Variants in EVL observed in about 807,000 individuals in gnomAD.
The protein encoded by EVL is Enah/Vasp-like.
Under a neutral mutation model 59.6 loss-of-function variants are expected in EVL, and 21 were observed. The observed-to-expected ratio is 0.35, with a 90% CI of 0.25 to 0.51. The LOEUF is 0.51. Ranked by LOEUF, EVL falls within the 20% of genes least tolerant of loss-of-function variation. EVL has a pLI of 0.97. For missense variants in EVL, 462 were observed against 546.6 expected (o/e 0.85, Z 1.54); for synonymous variants, 198 against 203.5 (o/e 0.97, Z 0.23).
intron 3 of EVL, among the ~76,000 whole-genome samples, chr14:100,113,175 G>T (rs753289555): frequency 1.2e-4 from 18 of 152,074 alleles, no homozygotes; most frequent in Non-Finnish European, 2.5e-4. Flanking sequence ...AATAGGCAAC[G>T]GCACAGAGGC....
chr14:100,055,385 G>GCA, intron 1 of EVL, among the ~76,000 whole-genome samples: 1 of 152,112 alleles, frequency 6.6e-6, no homozygotes, highest in East Asian at 1.9e-4. Context: ...AAAGTATTCA[G>GCA]TTGGATGCTC....
intron 11 of EVL, chr14:100,138,109 A>G: frequency 2.0e-6 from 1 of 492,976 alleles, no homozygotes; most frequent in Non-Finnish European, 3.6e-6. Context: ...AAGTTAGGGG[A>G]CCTCTCCAAG....
At chr14:100,128,820 TC>T (rs1888253119) in intron 6 of EVL, 72 bp downstream of exon 6, 10 of 1,351,532 alleles carry the variant, frequency 7.4e-6, no homozygotes, top group Admixed American at 1.8e-5. Flanking sequence ...GCGCTTGTGT[TC>T]CTTCCCGCAT....
intron 1 of EVL, among the ~76,000 whole-genome samples, chr14:100,005,633 A>ACACG (rs2060973563): frequency 1.5e-5 from 1 of 66,468 alleles, no homozygotes; most frequent in Non-Finnish European, 3.0e-5. Flanking sequence ...TTTTAAATAC[A>ACACG]CACACACACA....
chr14:100,128,721 TG>T lies in EVL; in HGVS notation c.694del (p.Ala232ProfsTer3). The stretch of plus-strand genomic sequence containing the variant: ...TGTCAGGACTGGCCGCTGCCATAGC[TG>T]GGGCCAAGCTGAGAAGAGTCCAACG... Reference protein sequence around the residue: ...SMSGLAAAIAGAKLRRVQRPE... With the variant: ...SMSGLAAAIAXAKLRRVQRPE... On this transcript the variant is annotated frameshift_variant, in exon 6 of 14. Coordinates refer to ENST00000392920, the MANE Select transcript of EVL (RefSeq NM_016337.3). LOFTEE classifies it high-confidence loss of function. The T allele has an allele frequency of 6.2e-7, 1 of 1,606,582 alleles. No individual in the cohort carries two copies.
intron 1 of EVL, among the ~76,000 whole-genome samples, chr14:100,033,346 A>G (rs1377116612): frequency 2.0e-5 from 3 of 152,196 alleles, no homozygotes; most frequent in East Asian, 1.9e-4. Flanking sequence ...CAGTAATCCT[A>G]TGAACACCAG....
chr14:100,097,655 G>A lies in EVL; in HGVS notation c.355G>A (p.Gly119Arg). Residue 119 changes from glycine to arginine, a missense_variant, in exon 3 of 14, where the codon GGA (glycine) becomes AGA (arginine). Physicochemically the swap from Gly to Arg is moderately radical, Grantham distance 125. Transcript: ENST00000392920. ...FALNIMNSQEGGPSSQRQVQN... is the reference protein window; with the variant it reads ...FALNIMNSQERGPSSQRQVQN... ...CCTGAACATCATGAATTCCCAAGAA[G>A]GAGGTAAGTAGGGCTTTGTCTTGGC... 1 of 1,609,612 alleles carries A rather than the reference G, an allele frequency of 6.2e-7. No individual in the cohort carries two copies. The highest frequency in any genetic ancestry group is 2.2e-5 in the East Asian group (1 of 44,860).
At chr14:100,097,974 A>G (rs1468921406) in intron 3 of EVL, among the ~76,000 whole-genome samples, 1 of 152,228 alleles carries the variant, frequency 6.6e-6, no homozygotes, top group Non-Finnish European at 1.5e-5. Flanking sequence ...TTTGAGAGAG[A>G]TGGGAGAAAA....
chr14:100,096,019 T>A (rs1201317424), intron 2 of EVL, among the ~76,000 whole-genome samples: 1 of 152,214 alleles, frequency 6.6e-6, no homozygotes, highest in Admixed American at 6.5e-5. Flanking sequence ...TGAGCCACCA[T>A]GCCCAGCTTC....
At chr14:100,098,850 G>A (rs556727614) in intron 3 of EVL, among the ~76,000 whole-genome samples, 9 of 152,268 alleles carry the variant, frequency 5.9e-5, no homozygotes, top group African/African-American at 1.7e-4. Flanking sequence ...CTATAAAATC[G>A]GGGGATATAG....
At chr14:100,097,104 G>A (rs1885866731) in intron 2 of EVL, 2 of 173,716 alleles carry the variant, frequency 1.2e-5, no homozygotes, top group Admixed American at 5.6e-5. Context: ...CCATTGGATT[G>A]GTAAAGCCAG....
intron 1 of EVL, among the ~76,000 whole-genome samples, chr14:99,999,328 C>G (rs1178798641): frequency 1.3e-5 from 2 of 152,216 alleles, no homozygotes; most frequent in African/African-American, 4.8e-5. Flanking sequence ...AGCTCTGCCA[C>G]TTTTGAACTA....
At chr14:99,999,809 A>G (rs1295889442) in intron 1 of EVL, among the ~76,000 whole-genome samples, 2 of 152,232 alleles carry the variant, frequency 1.3e-5, no homozygotes, top group African/African-American at 4.8e-5. Context: ...TGAGGCCATC[A>G]GCACAAAAGT....
intron 1 of EVL, among the ~76,000 whole-genome samples, chr14:100,009,553 C>A (rs765028887): frequency 6.6e-6 from 1 of 152,212 alleles, no homozygotes; most frequent in South Asian, 2.1e-4. Context: ...TTTATTCAAT[C>A]ATTCCAGTTC....
At chr14:100,076,638 T>C (rs1167753131) in intron 1 of EVL, among the ~76,000 whole-genome samples, 1 of 152,114 alleles carries the variant, frequency 6.6e-6, no homozygotes, top group Admixed American at 6.5e-5. Flanking sequence ...TATGGATGAG[T>C]ACAAATTAGT....
intron 2 of EVL, among the ~76,000 whole-genome samples, chr14:100,091,223 C>T (rs566351663): frequency 6.8e-4 from 103 of 152,256 alleles, no homozygotes; most frequent in Non-Finnish European, 4.6e-4. Flanking sequence ...GAATCGTCCC[C>T]TGCTTTTCTG....
At chr14:100,073,266 A>G (rs2062087540) in intron 1 of EVL, among the ~76,000 whole-genome samples, 1 of 151,432 alleles carries the variant, frequency 6.6e-6, no homozygotes, top group African/African-American at 2.4e-5. Context: ...CCCTGGGCAG[A>G]ACTAAATGCC....
At chr14:100,135,516 C>T (rs929875194) in intron 8 of EVL, 11 of 197,804 alleles carry the variant, frequency 5.6e-5, no homozygotes, top group East Asian at 2.7e-4. Context: ...ACCTATTACA[C>T]GGGCAGGTGT....
At chr14:100,043,703 C>G (rs1055482624) in intron 1 of EVL, among the ~76,000 whole-genome samples, 4 of 151,122 alleles carry the variant, frequency 2.6e-5, no homozygotes, top group Admixed American at 6.6e-5. Context: ...GCCTCATGCT[C>G]CTGGGCTCAA....
Sources: gnomAD v4.1 joint callset for allele counts (sites outside exome capture counted in the v4.1 genomes callset) on GRCh38, gnomAD v4.1.1 for gene constraint, MANE v1.5 for transcripts, NCBI Gene and HGNC (gene_info 2026-07-23, HGNC 2026-07-21) for gene names.